Variants in TMA16 observed in about 807,000 individuals in gnomAD.
The protein encoded by TMA16 is translation machinery-associated protein 16.
Under a neutral mutation model 27.1 loss-of-function variants are expected in TMA16, and 26 were observed. The ratio of observed to expected loss-of-function variants is 0.96; its 90% confidence interval spans 0.70 to 1.33. TMA16 has a LOEUF of 1.33. TMA16 is among the 40% of genes most tolerant of loss of function. TMA16 has a pLI of 0.00. For synonymous variants in TMA16, 71 were observed against 81.9 expected (o/e 0.87, Z 0.72); for missense variants, 233 against 241.4 (o/e 0.97, Z 0.23).
chr4:163,505,521 T>C (rs1737707710), intron 1 of TMA16, among the ~76,000 whole-genome samples: 2 of 152,224 alleles, frequency 1.3e-5, no homozygotes, highest in South Asian at 4.1e-4. Flanking sequence ...TTGAACTGCA[T>C]CTTATCAAAG....
At position 163,510,080 on chromosome 4, in the gene TMA16, T is replaced by G. The variant is rs548581382; in HGVS notation, c.117-2742T>G. Among the ~76,000 whole-genome samples, 108 of 152,354 alleles carry G rather than the reference T, an allele frequency of 7.1e-4. 1 individual carries two copies. Among genetic ancestry groups the G allele is most frequent in the African/African-American group, 2.5e-3 (105 of 41,592 alleles). ...TTCTTCATTCCAGCTGATACCACTG[T>G]AAGTTCAGGTTCCCACTGAGTCCAT... On this transcript the variant is annotated intron_variant, in intron 2 of 6. Coordinates refer to ENST00000358572, the MANE Select transcript of TMA16 (RefSeq NM_018352.3).
At chr4:163,505,717 C>G (rs1004038049) in intron 1 of TMA16, among the ~76,000 whole-genome samples, 1 of 152,136 alleles carries the variant, frequency 6.6e-6, no homozygotes, top group African/African-American at 2.4e-5. Context: ...GTGCTAAAGA[C>G]TTGGGACCTA....
chr4:163,505,490 A>G (rs1737707251), intron 1 of TMA16, among the ~76,000 whole-genome samples: 1 of 152,218 alleles, frequency 6.6e-6, no homozygotes, highest in Admixed American at 6.5e-5. Context: ...AGTTCTGCCT[A>G]GTTTTACAAA....
At chr4:163,498,917 CA>C (rs1163080879) in intron 1 of TMA16, among the ~76,000 whole-genome samples, 4 of 152,138 alleles carry the variant, frequency 2.6e-5, no homozygotes, top group African/African-American at 9.7e-5. Context: ...TTTTGCCTCT[CA>C]AAAGTGTTGA....
chr4:163,511,198 T>C (rs1421971468), intron 2 of TMA16, among the ~76,000 whole-genome samples: 3 of 152,168 alleles, frequency 2.0e-5, no homozygotes, highest in African/African-American at 7.2e-5. Context: ...TTCTATTTGC[T>C]GTATATCCTC....
chr4:163,514,408 GT>G (rs1303308239), intron 4 of TMA16, among the ~76,000 whole-genome samples: 2 of 152,196 alleles, frequency 1.3e-5, no homozygotes, highest in Non-Finnish European at 2.9e-5. Flanking sequence ...CAGCTGAAAG[GT>G]GGGGGTTAGC....
At position 163,507,165 on chromosome 4, in the gene TMA16, T is replaced by C; in HGVS notation, c.116+20T>C. On this transcript the variant is annotated intron_variant, in intron 2 of 6. Transcript: ENST00000358572. The stretch of plus-strand genomic sequence containing the variant: ...GGAAAAGTAAGTATCTTTTCATCAT[T>C]TGTATTACTCGTTGGTAAAAAGCCC... The C allele has an allele frequency of 6.5e-7, 1 of 1,547,818 alleles. No homozygotes were observed. The highest frequency in any genetic ancestry group is 8.7e-7 in the Non-Finnish European group (1 of 1,143,188).
rs1386663471 is a variant in TMA16 at position 163,514,705 on chromosome 4, C to T, written c.239+547C>T. ...ATCATACTTAACATTAGAAGGGACA[C>T]ATTGAGAATGAAGAAAACAGACTGA... On this transcript the variant is annotated intron_variant, in intron 4 of 6. Transcript: ENST00000358572. Among the ~76,000 whole-genome samples the T allele has an allele frequency of 3.3e-5, 5 of 152,108 alleles. No homozygotes were observed. The East Asian group carries it at 9.6e-4, about 29-fold the overall frequency.
chr4:163,515,932 T>C (rs1368315296), intron 5 of TMA16: 1 of 157,506 alleles, frequency 6.3e-6, no homozygotes, highest in Non-Finnish European at 1.4e-5. Context: ...TCAGAAACTC[T>C]ACAGTCACTT....
In TMA16 at chr4:163,515,418, G is replaced by A. The variant is rs747700564; in HGVS notation, c.345G>A (p.Gln115=). 2 of 1,613,984 alleles carry A rather than the reference G, an allele frequency of 1.2e-6. No homozygotes were observed. The highest frequency in any genetic ancestry group is 2.7e-5 in the African/African-American group (2 of 74,918). Residue 115 remains glutamine, a synonymous_variant, in exon 5 of 7, where the codon CAG becomes CAA. Coordinates refer to ENST00000358572, the MANE Select transcript of TMA16 (RefSeq NM_018352.3). The stretch of plus-strand genomic sequence containing the variant: ...GTTCCCGGGAGACCGTCATCAAGCA[G>A]ACGATGGAGCGGGAGCGACAGCAGT... ...RHCSRETVIK[Q]TMERERQQFE... is the part of the protein sequence containing the mutation.
At position 163,519,471 on chromosome 4, in the gene TMA16, A is replaced by G; in HGVS notation, c.569A>G (p.Asp190Gly). The change falls in exon 7 of 7, where the codon GAT becomes GGT. Residue 190 changes from aspartate to glycine, a missense_variant. Physicochemically the swap from Asp to Gly is moderately conservative, Grantham distance 94. Coordinates refer to ENST00000358572, the MANE Select transcript of TMA16 (RefSeq NM_018352.3). ...GATTTGGGGGAATTGGAACTAAACG[A>G]TGAATCAAGTGATTCAGATGAGGAA... ...DQDLGELELN[D>G]ESSDSDEEMT... 1.2e-6 allele frequency: 2 copies of G among 1,604,118 alleles called. No individual in the cohort carries two copies. The highest frequency in any genetic ancestry group is 1.7e-6 in the Non-Finnish European group (2 of 1,176,780).
chr4:163,503,413 C>G (rs1321306591), intron 1 of TMA16, among the ~76,000 whole-genome samples: 2 of 152,142 alleles, frequency 1.3e-5, no homozygotes, highest in Non-Finnish European at 2.9e-5. Context: ...ACTGAGTAGT[C>G]TAAATGGCAC....
intron 2 of TMA16, among the ~76,000 whole-genome samples, chr4:163,510,052 CT>C (rs1168848190): frequency 1.3e-5 from 2 of 152,188 alleles, no homozygotes; most frequent in Non-Finnish European, 2.9e-5. Context: ...CATCTCTCTA[CT>C]TTTCTTCATT....
intron 5 of TMA16, among the ~76,000 whole-genome samples, chr4:163,516,436 T>G (rs956278275): frequency 3.3e-5 from 5 of 152,274 alleles, no homozygotes; most frequent in African/African-American, 7.2e-5. Context: ...TTTATACTTT[T>G]TAACACCTAG....
At chr4:163,504,563 T>C (rs1193982962) in intron 1 of TMA16, among the ~76,000 whole-genome samples, 2 of 152,220 alleles carry the variant, frequency 1.3e-5, no homozygotes, top group African/African-American at 4.8e-5. Context: ...AGTGGTGCCA[T>C]CTATGCTCGC....
Position 163,520,069 on chromosome 4 carries a change from GA to G in TMA16, c.*563del, listed in dbSNP as rs538719453. 6 of 568,940 alleles carry G rather than the reference GA, an allele frequency of 1.1e-5. No individual in the cohort carries two copies. Among genetic ancestry groups the G allele is most frequent in the Admixed American group, 3.2e-5 (1 of 30,974 alleles). 35.2% of individuals were successfully genotyped at this position (568,940 alleles called of 1,614,324 possible). A position where few individuals can be genotyped will look rare whatever the true frequency, so the allele number is the denominator to read the frequency against. On this transcript the variant is annotated 3_prime_UTR_variant, in exon 7 of 7. Transcript: ENST00000358572. Reference sequence around the variant, plus strand: ...TTTGAACCAGAGCTAAATGGTAAAAGAAAAAAAATCAGTGATGATTGTTATG... The same window carrying G: ...TTTGAACCAGAGCTAAATGGTAAAAGAAAAAAATCAGTGATGATTGTTATG...
In TMA16 at chr4:163,515,420, C is replaced by A. The variant is rs202079532; in HGVS notation, c.347C>A (p.Thr116Lys). ...HCSRETVIKQTMERERQQFEG... is the reference protein window; with the variant it reads ...HCSRETVIKQKMERERQQFEG... The stretch of plus-strand genomic sequence containing the variant: ...TCCCGGGAGACCGTCATCAAGCAGA[C>A]GATGGAGCGGGAGCGACAGCAGTTT... The change falls in exon 5 of 7, where the codon ACG (threonine) becomes AAG (lysine). Residue 116 changes from threonine (T) to lysine (K), a missense_variant. By Grantham distance (78) the Thr-to-Lys change is moderately conservative (BLOSUM62 -1). Coordinates refer to ENST00000358572, the MANE Select transcript of TMA16 (RefSeq NM_018352.3). The A allele has an allele frequency of 6.2e-7, 1 of 1,613,956 alleles. No individual in the cohort carries two copies. The highest frequency in any genetic ancestry group is 8.5e-7 in the Non-Finnish European group (1 of 1,179,954).
intron 4 of TMA16, among the ~76,000 whole-genome samples, chr4:163,514,370 C>T (rs911139784): frequency 1.2e-4 from 19 of 152,108 alleles, no homozygotes; most frequent in Admixed American, 1.3e-4. Flanking sequence ...TCAGGATGGG[C>T]TTCCTGGAGA....
intron 1 of TMA16, among the ~76,000 whole-genome samples, chr4:163,498,007 A>T (rs1737585440): frequency 6.6e-6 from 1 of 152,194 alleles, no homozygotes; most frequent in African/African-American, 2.4e-5. Context: ...TTTTACATAA[A>T]TGGTATACTG....
Sources: gnomAD v4.1 joint callset for allele counts (sites outside exome capture counted in the v4.1 genomes callset) on GRCh38, gnomAD v4.1.1 for gene constraint, MANE v1.5 for transcripts, NCBI Gene and HGNC (gene_info 2026-07-23, HGNC 2026-07-21) for gene names.